SAG: variants seen among roughly 807,000 people sequenced by gnomAD.
The protein encoded by SAG is S-antigen visual arrestin.
A neutral mutation model predicts 55.0 loss-of-function variants in SAG; 45 were observed. The observed-to-expected ratio is 0.82, with a 90% CI of 0.64 to 1.05. The LOEUF (loss-of-function observed/expected upper bound fraction) is 1.05. Among genes scored for constraint, SAG ranks in the 50% least tolerant of loss-of-function variants. The probability of loss-of-function intolerance (pLI) is 0.00; values close to 1 mark genes in which losing one functional copy is unlikely to be tolerated. For missense variants in SAG, 455 were observed against 512.1 expected, an observed-to-expected ratio of 0.89 and a Z score of 1.08; for synonymous variants, 189 against 197.4, an observed-to-expected ratio of 0.96 and a Z score of 0.36.
chr2:233,341,614 A>C (rs1022555787), intron 13 of SAG, among the ~76,000 whole-genome samples: 3 of 152,232 alleles, frequency 2.0e-5, no homozygotes, highest in South Asian at 2.1e-4. Context: ...TATTGTATGA[A>C]TCCATTTACA....
At chr2:233,310,661 C>T (rs754202276) in intron 2 of SAG, among the ~76,000 whole-genome samples, 10 of 152,060 alleles carry the variant, frequency 6.6e-5, no homozygotes, top group South Asian at 4.2e-4. Flanking sequence ...CATGTGCCAC[C>T]GCGCCCAGCT....
chr2:233,316,541 C>A (rs1180427241), intron 3 of SAG, among the ~76,000 whole-genome samples: 1 of 152,006 alleles, frequency 6.6e-6, no homozygotes, highest in African/African-American at 2.4e-5. Context: ...AAACTCCTGA[C>A]CTCAGGTGAT....
intron 6 of SAG, among the ~76,000 whole-genome samples, chr2:233,324,443 G>A (rs1700482892): frequency 6.6e-6 from 1 of 152,194 alleles, no homozygotes; most frequent in Admixed American, 6.5e-5. Context: ...GGTTAGAGTG[G>A]AAGGGGAGGT....
At chr2:233,322,713 C>T (rs1700425332) in intron 5 of SAG, among the ~76,000 whole-genome samples, 2 of 151,866 alleles carry the variant, frequency 1.3e-5, no homozygotes, top group South Asian at 4.2e-4. Flanking sequence ...CCAGCCTGGG[C>T]GACAGAGCAA....
At chr2:233,328,015 GT>G (rs113872337) in intron 7 of SAG, 10,780 of 151,570 alleles carry the variant, frequency 0.071, 461 homozygotes, top group African/African-American at 0.11. Context: ...CCCCTGTGCT[GT>G]TTTTTTTTTA....
intron 2 of SAG, among the ~76,000 whole-genome samples, chr2:233,310,087 A>G (rs76041982): frequency 0.013 from 2,052 of 152,176 alleles, 21 homozygotes; most frequent in Admixed American, 0.028. Flanking sequence ...CCCCCTTTCC[A>G]CCACTCTCCA....
At chr2:233,314,214 C>T (rs1310088399) in intron 2 of SAG, among the ~76,000 whole-genome samples, 2 of 141,846 alleles carry the variant, frequency 1.4e-5, no homozygotes, top group African/African-American at 5.8e-5. Context: ...AGAATGAGAC[C>T]TTGTCTCAAA....
intron 7 of SAG, 151 bp from the exon 8 acceptor site, chr2:233,328,327 T>A: frequency 1.1e-6 from 1 of 873,476 alleles, no homozygotes; most frequent in African/African-American, 1.7e-5. Context: ...TGCCTCAGGC[T>A]CTGACCAGTG....
Position 233,330,974 on chromosome 2 carries a change from G to A in SAG, c.734-666G>A, listed in dbSNP as rs374837467. On this transcript the variant is annotated intron_variant, in intron 9 of 15. Transcript: ENST00000409110. The stretch of plus-strand genomic sequence containing the variant: ...CGCCTGTAATCCCAGTACTTTGGGA[G>A]GCCAAGGTGGGAGGATCCCTTGAGC... 1.2e-4 allele frequency among the ~76,000 whole-genome samples: 18 copies of A among 152,248 alleles called. No homozygotes were observed. In the East Asian group the frequency reaches 2.9e-3, roughly 25 times the overall value.
intron 6 of SAG, among the ~76,000 whole-genome samples, chr2:233,325,730 G>A (rs73116218): frequency 0.13 from 19,198 of 152,172 alleles, 1,407 homozygotes; most frequent in African/African-American, 0.19. Context: ...CCTATTTTCT[G>A]TTCTAGGAGA....
At position 233,346,854 on chromosome 2, in the gene SAG, T is replaced by C; in HGVS notation, c.1160T>C (p.Leu387Pro). The C allele has an allele frequency of 6.2e-7, 1 of 1,613,018 alleles. No individual in the cohort carries two copies. Among genetic ancestry groups the C allele is most frequent in the East Asian group, 2.2e-5 (1 of 44,870 alleles). The change falls in exon 16 of 16, where the codon CTG becomes CCG. Residue 387 changes from leucine to proline, a missense_variant. By Grantham distance (98) the Leu-to-Pro change is moderately conservative. Transcript: ENST00000409110. ...LVFEEFARHNLKDAGEAEEGK... is the reference protein window; with the variant it reads ...LVFEEFARHNPKDAGEAEEGK... ...TTTGAGGAGTTTGCTCGCCATAATCTGAAAGATGCAGGAGAAGCTGAGGAG... is the reference window on the plus strand; with the variant it reads ...TTTGAGGAGTTTGCTCGCCATAATCCGAAAGATGCAGGAGAAGCTGAGGAG...
chr2:233,312,424 T>C (rs568908417), intron 2 of SAG, among the ~76,000 whole-genome samples: 7 of 152,310 alleles, frequency 4.6e-5, no homozygotes, highest in South Asian at 2.1e-4. Context: ...TCCTGTCTCA[T>C]TGAGTTGCTG....
chr2:233,318,417 A>G (rs919342045), intron 3 of SAG, among the ~76,000 whole-genome samples: 1 of 151,820 alleles, frequency 6.6e-6, no homozygotes, highest in Non-Finnish European at 1.5e-5. Context: ...CTTTTTGTAG[A>G]GACAAGGATC....
chr2:233,338,695 CG>C lies in SAG; in HGVS notation c.966del (p.Thr323ProfsTer13). The C allele has an allele frequency of 6.2e-6, 10 of 1,613,866 alleles. No individual in the cohort carries two copies. Among genetic ancestry groups the C allele is most frequent in the Non-Finnish European group, 8.5e-6 (10 of 1,179,828 alleles). ...SSTIIKEGID[R>X]TVLGILVSYQ... Reference sequence around the variant, plus strand: ...GGGCAGCATTAAGGAGGGCATAGACCGGACCGTCCTGGGAATCCTGGTGTCT... The same window carrying C: ...GGGCAGCATTAAGGAGGGCATAGACCGACCGTCCTGGGAATCCTGGTGTCT... On this transcript the variant is annotated frameshift_variant, in exon 12 of 16. Transcript: ENST00000409110. LOFTEE classifies it high-confidence loss of function.
chr2:233,320,253 C>T (rs963037409), intron 4 of SAG, among the ~76,000 whole-genome samples: 39 of 152,234 alleles, frequency 2.6e-4, no homozygotes, highest in African/African-American at 9.2e-4. Context: ...TTCCTTCATT[C>T]GTCCAGACAT....
At chr2:233,342,465 T>C (rs1701133587) in intron 14 of SAG, 139 bp downstream of exon 14, 3 of 730,364 alleles carry the variant, frequency 4.1e-6, no homozygotes, top group Non-Finnish European at 4.8e-6. Context: ...ATCTACAAGG[T>C]GAATAGTCTG....
chr2:233,324,703 A>G (rs1700492896), intron 6 of SAG, among the ~76,000 whole-genome samples: 2 of 152,106 alleles, frequency 1.3e-5, no homozygotes, highest in African/African-American at 4.8e-5. Context: ...GAGGAGAAGG[A>G]GGTGCCAGGA....
chr2:233,310,014 G>A (rs140351207), intron 2 of SAG, among the ~76,000 whole-genome samples: 1,811 of 152,272 alleles, frequency 0.012, 25 homozygotes, highest in Non-Finnish European at 0.018. Context: ...TACCCCACCC[G>A]GGGGGTCTCA....
chr2:233,316,976 C>T (rs1351424975), intron 3 of SAG, among the ~76,000 whole-genome samples: 1 of 152,234 alleles, frequency 6.6e-6, no homozygotes, highest in African/African-American at 2.4e-5. Flanking sequence ...ATCCTCCGAC[C>T]TCAGCCTCCC....
Sources: gnomAD v4.1 joint callset for allele counts (sites outside exome capture counted in the v4.1 genomes callset) on GRCh38, gnomAD v4.1.1 for gene constraint, MANE v1.5 for transcripts, NCBI Gene and HGNC (gene_info 2026-07-23, HGNC 2026-07-21) for gene names.